TCP11L2: variants seen among roughly 807,000 people sequenced by gnomAD.
The protein encoded by TCP11L2 is T-complex protein 11-like protein 2.
TCP11L2 carries 39 observed loss-of-function variants against 50.7 expected under a neutral mutation model. The observed-to-expected ratio is 0.77, with a 90% CI of 0.60 to 1.01. TCP11L2 has a LOEUF of 1.01. Ranked by LOEUF, TCP11L2 falls within the 50% of genes least tolerant of loss-of-function variation. The probability of loss-of-function intolerance (pLI) is 0.00; values close to 1 mark genes in which losing one functional copy is unlikely to be tolerated. For missense variants in TCP11L2, 612 were observed against 614.7 expected (o/e 1.00, Z 0.05); for synonymous variants, 192 against 219.3 (o/e 0.88, Z 1.10).
chr12:106,329,034 G>A (rs2035654103), intron 6 of TCP11L2, among the ~76,000 whole-genome samples: 1 of 151,762 alleles, frequency 6.6e-6, no homozygotes, highest in Admixed American at 6.6e-5. Context: ...GTTTCTCAGA[G>A]AAAGCCAGCA....
intron 6 of TCP11L2, among the ~76,000 whole-genome samples, chr12:106,327,471 C>T (rs938553473): frequency 1.3e-5 from 2 of 152,204 alleles, no homozygotes. Context: ...TGAGCCACTG[C>T]ACCTGGCTTG....
intron 9 of TCP11L2, among the ~76,000 whole-genome samples, chr12:106,345,706 A>G (rs2036209999): frequency 6.6e-6 from 1 of 151,860 alleles, no homozygotes. Flanking sequence ...AAAACTCCTG[A>G]GCTTAAAAAA....
At chr12:106,318,867 T>A (rs1351946926) in intron 4 of TCP11L2, among the ~76,000 whole-genome samples, 2 of 151,714 alleles carry the variant, frequency 1.3e-5, no homozygotes, top group Admixed American at 1.3e-4. Flanking sequence ...CATGCCACCA[T>A]GCCTGGCTAA....
At chr12:106,323,411 G>T in intron 5 of TCP11L2, 99 bp from the exon 6 acceptor site, 1 of 1,083,510 alleles carries the variant, frequency 9.2e-7, no homozygotes, top group East Asian at 2.8e-5. Flanking sequence ...AAACCATTTT[G>T]GGGATGTTTA....
upstream of TCP11L2, among the ~76,000 whole-genome samples, chr12:106,302,332 C>T (rs1248591712): frequency 1.1e-5 from 1 of 93,150 alleles, no homozygotes; most frequent in Non-Finnish European, 2.2e-5. Flanking sequence ...CCCCGCTCAG[C>T]CCCCGCTCAG....
chr12:106,336,598 G>A (rs2035929459), intron 8 of TCP11L2, among the ~76,000 whole-genome samples: 1 of 143,682 alleles, frequency 7.0e-6, no homozygotes, highest in African/African-American at 2.6e-5. Flanking sequence ...CTGTCACCAG[G>A]CTGGAGTGCA....
intron 6 of TCP11L2, chr12:106,324,018 A>G (rs1328103971): frequency 6.6e-6 from 1 of 152,442 alleles, no homozygotes; most frequent in Non-Finnish European, 1.5e-5. Flanking sequence ...GACACTGCTT[A>G]GGTGCAGTGG....
intron 1 of TCP11L2, among the ~76,000 whole-genome samples, chr12:106,304,635 G>A (rs1157712037): frequency 6.6e-6 from 1 of 152,168 alleles, no homozygotes; most frequent in Admixed American, 6.5e-5. Context: ...TGTCCTTGCA[G>A]CTGACCTCGA....
Position 106,314,394 on chromosome 12 carries a change from T to G in TCP11L2, c.194T>G (p.Val65Gly), listed in dbSNP as rs1385081484. ...CCAAGGGTTGTAACATTTGATGAAG[T>G]GATGGCTACAGCAAGGAACTTATCA... ...SPPRVVTFDEVMATARNLSNL... is the reference protein window; with the variant it reads ...SPPRVVTFDEGMATARNLSNL... The change falls in exon 3 of 10, where the codon GTG becomes GGG. Residue 65 changes from valine to glycine, a missense_variant. Physicochemically the swap from Val to Gly is moderately radical, Grantham distance 109 (BLOSUM62 -3). Transcript: ENST00000299045. 1.9e-6 allele frequency: 3 copies of G among 1,612,786 alleles called. No homozygotes were observed. The African/African-American group carries it at 4.0e-5, about 22-fold the overall frequency.
chr12:106,316,863 G>A (rs1308104944), intron 3 of TCP11L2, among the ~76,000 whole-genome samples: 12 of 152,086 alleles, frequency 7.9e-5, no homozygotes, highest in African/African-American at 2.9e-4. Context: ...ATGGAGTCTT[G>A]TTTTAAAGTT....
chr12:106,302,475 C>T (rs1447484037), upstream of TCP11L2, among the ~76,000 whole-genome samples: 1 of 150,594 alleles, frequency 6.6e-6, no homozygotes, highest in Non-Finnish European at 1.5e-5. Context: ...GCCGGGCGCT[C>T]CCGTCGGCTC....
chr12:106,327,056 G>T (rs2035572286), intron 6 of TCP11L2, among the ~76,000 whole-genome samples: 1 of 152,216 alleles, frequency 6.6e-6, no homozygotes, highest in Non-Finnish European at 1.5e-5. Flanking sequence ...GTAAGCACAT[G>T]TACAAATGCA....
intron 1 of TCP11L2, among the ~76,000 whole-genome samples, chr12:106,310,198 A>G (rs2034800499): frequency 6.6e-6 from 1 of 152,192 alleles, no homozygotes; most frequent in African/African-American, 2.4e-5. Flanking sequence ...CACTGGACAT[A>G]GACACCAAGG....
chr12:106,344,896 C>G (rs998513100), intron 9 of TCP11L2, among the ~76,000 whole-genome samples: 1 of 152,150 alleles, frequency 6.6e-6, no homozygotes, highest in Non-Finnish European at 1.5e-5. Flanking sequence ...GGCAGTGATG[C>G]AGGAAGGGCA....
At chr12:106,328,845 T>C (rs1387322490) in intron 6 of TCP11L2, among the ~76,000 whole-genome samples, 2 of 152,134 alleles carry the variant, frequency 1.3e-5, no homozygotes, top group Non-Finnish European at 2.9e-5. Context: ...CAAGGCTCCA[T>C]TGTCACGATG....
At chr12:106,339,344 G>A (rs111270624) in intron 8 of TCP11L2, among the ~76,000 whole-genome samples, 3,395 of 152,102 alleles carry the variant, frequency 0.022, 119 homozygotes, top group African/African-American at 0.077. Flanking sequence ...TTTGCTTGTC[G>A]AGTGTTTAAG....
chr12:106,307,643 C>G (rs937493160), intron 1 of TCP11L2, among the ~76,000 whole-genome samples: 1 of 152,130 alleles, frequency 6.6e-6, no homozygotes, highest in African/African-American at 2.4e-5. Flanking sequence ...AAGGAACTTG[C>G]GGAAGACCAT....
rs373944047 is a variant in TCP11L2, at chr12:106,317,494, C to T, written c.294-850C>T. Among the ~76,000 whole-genome samples, 33 of 152,232 alleles carry T rather than the reference C, an allele frequency of 2.2e-4. 1 individual carries two copies. Among genetic ancestry groups the T allele is most frequent in the South Asian group, 8.3e-4 (4 of 4,816 alleles). ...CTGCGCCACTGCACTGCAGCCTGGG[C>T]GACAGAGTGAGACTCTGTCTCAGAA... is the stretch of plus-strand genomic sequence containing the variant. On this transcript the variant is annotated intron_variant, in intron 3 of 9. Transcript: ENST00000299045.
chr12:106,320,132 G>A (rs576579834), intron 4 of TCP11L2, among the ~76,000 whole-genome samples: 41 of 152,258 alleles, frequency 2.7e-4, no homozygotes, highest in Admixed American at 2.4e-3. Flanking sequence ...TGGGCGCGGC[G>A]GCTCATGCCT....
Sources: allele counts gnomAD v4.1 joint callset (sites outside exome capture counted in the v4.1 genomes callset), GRCh38; gene constraint gnomAD v4.1.1; transcripts MANE v1.5; gene names NCBI Gene and HGNC (gene_info 2026-07-23, HGNC 2026-07-21).